The following PCDHA4 variants were observed in gnomAD, a reference collection of about 807,000 sequenced individuals.
PCDHA4 encodes protocadherin alpha-4.
PCDHA4 carries 49 observed loss-of-function variants against 61.4 expected under a neutral mutation model. The observed-to-expected ratio is 0.80, with a 90% CI of 0.63 to 1.01. The LOEUF (loss-of-function observed/expected upper bound fraction) is 1.01. Among genes scored for constraint, PCDHA4 ranks in the 50% least tolerant of loss-of-function variants. The pLI is 0.00. For synonymous variants in PCDHA4, 590 were observed against 550.3 expected, an observed-to-expected ratio of 1.07 and a Z score of -1.01; for missense variants, 1,254 against 1,235.8, an observed-to-expected ratio of 1.01 and a Z score of -0.22.
chr5:140,877,178 C>T (rs370071106), intron 1 of PCDHA4: 2 of 1,613,794 alleles, frequency 1.2e-6, no homozygotes, highest in South Asian at 2.2e-5. Context: ...CTGGCGACTC[C>T]GGCTGGCAGC....
chr5:140,902,563 G>C (rs1472097639), intron 1 of PCDHA4, among the ~76,000 whole-genome samples: 2 of 151,808 alleles, frequency 1.3e-5, no homozygotes, highest in African/African-American at 4.8e-5. Context: ...GATTTTTGAG[G>C]GTTTTTAAGA....
chr5:140,906,646 G>GT (rs35557065), intron 1 of PCDHA4, among the ~76,000 whole-genome samples: 1 of 152,192 alleles, frequency 6.6e-6, no homozygotes, highest in Non-Finnish European at 1.5e-5. Context: ...GCAGGTAGTG[G>GT]TTTTTTCCTG....
intron 1 of PCDHA4, among the ~76,000 whole-genome samples, chr5:140,942,323 T>C (rs1489572732): frequency 6.6e-6 from 1 of 151,970 alleles, no homozygotes; most frequent in Non-Finnish European, 1.5e-5. Flanking sequence ...GGCACAAGAA[T>C]CACTTGAACC....
intron 1 of PCDHA4, among the ~76,000 whole-genome samples, chr5:140,942,271 A>G (rs1421470016): frequency 6.6e-6 from 1 of 152,184 alleles, no homozygotes; most frequent in Non-Finnish European, 1.5e-5. Context: ...AAAGCTGGTA[A>G]TGGTGGCTCA....
chr5:140,870,590 G>T, intron 1 of PCDHA4: 2 of 1,613,564 alleles, frequency 1.2e-6, no homozygotes, highest in Non-Finnish European at 1.7e-6. Flanking sequence ...CTGGTGGAGC[G>T]GCGGTTGGGC....
At chr5:140,841,225 C>T (rs1777101106) in intron 1 of PCDHA4, 1 of 1,448,206 alleles carries the variant, frequency 6.9e-7, no homozygotes, top group Non-Finnish European at 9.3e-7. Context: ...GGCCGAACAA[C>T]GGGAGATGCA....
At position 141,010,234 on chromosome 5, in the gene PCDHA4, T is replaced by C. The variant is rs1455330920; in HGVS notation, c.*297T>C. 1 of 1,551,824 alleles carries C rather than the reference T, an allele frequency of 6.4e-7. No individual in the cohort carries two copies. Among genetic ancestry groups the C allele is most frequent in the Non-Finnish European group, 8.7e-7 (1 of 1,147,042 alleles). On this transcript the variant is annotated 3_prime_UTR_variant, in exon 4 of 4. Transcript: ENST00000530339. ...AGGAGAGGCTTCCCAGCCCCGCCAG[T>C]GAGAGGTTGGACTCTCTGCCCTGTG...
At chr5:140,856,890 G>T in intron 1 of PCDHA4, 2 of 1,596,172 alleles carry the variant, frequency 1.3e-6, no homozygotes, top group Non-Finnish European at 1.7e-6. Context: ...TATTCATTTA[G>T]CTCTTTGGTC....
chr5:140,850,357 C>G (rs146638035), intron 1 of PCDHA4: 1 of 1,597,856 alleles, frequency 6.3e-7, no homozygotes, highest in African/African-American at 1.3e-5. Flanking sequence ...GCGAGCATCC[C>G]GTTCCGCGTG....
intron 1 of PCDHA4, chr5:140,863,190 G>A (rs782460122): frequency 1.3e-6 from 1 of 798,634 alleles, no homozygotes; most frequent in South Asian, 1.3e-5. Context: ...TCACCGTGGT[G>A]GCGTCGCTGG....
chr5:140,929,159 A>G lies in PCDHA4; in HGVS notation c.2386-49790A>G, dbSNP rs781818133. The G allele has an allele frequency of 1.7e-5, 27 of 1,613,968 alleles. No homozygotes were observed. Among genetic ancestry groups the G allele is most frequent in the South Asian group, 1.4e-4 (13 of 91,088 alleles). On this transcript the variant is annotated intron_variant, in intron 1 of 3. Coordinates refer to ENST00000530339, the MANE Select transcript of PCDHA4 (RefSeq NM_018907.4). The stretch of plus-strand genomic sequence containing the variant: ...GAGAGACTTTCTCAGACTTATCTCT[A>G]TCGGGCCTCTCTGGGACTTGGTTCT...
At chr5:140,823,299 G>C (rs2150124417) in intron 1 of PCDHA4, 11 of 1,612,248 alleles carry the variant, frequency 6.8e-6, no homozygotes, top group Middle Eastern at 2.0e-4. Context: ...GTTACGTTTC[G>C]GTGCACGCGG....
intron 1 of PCDHA4, chr5:140,834,565 C>G (rs2150221167): frequency 2.5e-6 from 4 of 1,613,968 alleles, no homozygotes; most frequent in Admixed American, 3.3e-5. Context: ...GAGCTGGTGC[C>G]GCGCCTGTTC....
At position 140,927,047 on chromosome 5, in the gene PCDHA4, C is replaced by T. The variant is rs782800214; in HGVS notation, c.2386-51902C>T. On this transcript the variant is annotated intron_variant, in intron 1 of 3. Coordinates refer to ENST00000530339, the MANE Select transcript of PCDHA4 (RefSeq NM_018907.4). ...AGGCTGCCAGCGGCCGCTATGTCCT[C>T]GCGGAACTTTCGCTTCCTTTCCAGC... The T allele has an allele frequency of 2.5e-6, 4 of 1,612,066 alleles. No homozygotes were observed. The highest frequency in any genetic ancestry group is 1.7e-5 in the Admixed American group (1 of 59,932).
intron 1 of PCDHA4, chr5:140,859,302 A>G (rs1280073821): frequency 4.7e-5 from 6 of 128,898 alleles, no homozygotes; most frequent in Non-Finnish European, 1.1e-4. Context: ...CTTTAGTATG[A>G]ATTAATATTA....
chr5:140,855,933 T>C, intron 1 of PCDHA4: 1 of 1,295,336 alleles, frequency 7.7e-7, no homozygotes, highest in Non-Finnish European at 1.1e-6. Flanking sequence ...AGCGTCATTC[T>C]GAGATCTCAG....
rs200338376 is a variant in PCDHA4, at chr5:140,927,680, G to C, written c.2386-51269G>C. On this transcript the variant is annotated intron_variant, in intron 1 of 3. Transcript: ENST00000530339. ...GTTCAAGCCTTGGATCCAGATGAAGGGTCCAATGGGGAAGTCCAGTACTCC... is the reference window on the plus strand; with the variant it reads ...GTTCAAGCCTTGGATCCAGATGAAGCGTCCAATGGGGAAGTCCAGTACTCC... The C allele has an allele frequency of 2.2e-5, 36 of 1,614,022 alleles. No individual in the cohort carries two copies. The Admixed American group carries it at 4.5e-4, about 20-fold the overall frequency.
chr5:140,957,133 A>G (rs1308855631), intron 1 of PCDHA4, among the ~76,000 whole-genome samples: 4 of 152,222 alleles, frequency 2.6e-5, no homozygotes, highest in African/African-American at 9.6e-5. Context: ...TTACTACACT[A>G]TGAACTAAAA....
At chr5:140,952,885 A>G (rs1285549724) in intron 1 of PCDHA4, among the ~76,000 whole-genome samples, 1 of 152,174 alleles carries the variant, frequency 6.6e-6, no homozygotes, top group Non-Finnish European at 1.5e-5. Flanking sequence ...TCATGGTGGA[A>G]GGCAAAGGGG....
Sources: allele counts gnomAD v4.1 joint callset (sites outside exome capture counted in the v4.1 genomes callset), GRCh38; gene constraint gnomAD v4.1.1; transcripts MANE v1.5; gene names NCBI Gene and HGNC (gene_info 2026-07-23, HGNC 2026-07-21).